TBXAS1: variants seen among roughly 807,000 people sequenced by gnomAD.
TBXAS1 encodes thromboxane-A synthase.
In TBXAS1, 48 loss-of-function variants were observed where a neutral mutation model predicts 60.7. That is an observed-to-expected ratio of 0.79 (90% confidence interval 0.63 to 1.01). The LOEUF (loss-of-function observed/expected upper bound fraction) is 1.01. TBXAS1 is among the 50% of genes least tolerant of loss of function. The pLI, the probability that TBXAS1 is intolerant of heterozygous loss-of-function variation, is 0.00. For missense variants in TBXAS1, 685 were observed against 686.3 expected, an observed-to-expected ratio of 1.00 and a Z score of 0.02; for synonymous variants, 287 against 269.7, an observed-to-expected ratio of 1.06 and a Z score of -0.63.
intron 9 of TBXAS1, among the ~76,000 whole-genome samples, chr7:139,966,584 T>C (rs1810805372): frequency 6.6e-6 from 1 of 152,232 alleles, no homozygotes; most frequent in Non-Finnish European, 1.5e-5. Flanking sequence ...CAGTCTCAAC[T>C]CAGTGAGGTA....
intron 5 of TBXAS1, among the ~76,000 whole-genome samples, chr7:139,939,757 G>A (rs1330115213): frequency 3.3e-5 from 5 of 152,052 alleles, no homozygotes; most frequent in Non-Finnish European, 4.4e-5. Context: ...AGGGAGGAGC[G>A]GAGGAGAAAC....
In TBXAS1 at chr7:140,013,164, G is replaced by A. The variant is rs909186982; in HGVS notation, c.1227-2559G>A. ...ATGAGTGAATACAGGTAGGTGAGTT[G>A]AAGGGAGTTCTGACAGGTAAGACTG... On this transcript the variant is annotated intron_variant, in intron 10 of 12. Coordinates refer to ENST00000448866, the MANE Select transcript of TBXAS1 (RefSeq NM_001061.7). The surrounding 1 kb of genome is among the most constrained non-coding windows in gnomAD (Gnocchi z 4.2). Among the ~76,000 whole-genome samples the A allele has an allele frequency of 6.6e-6, 1 of 152,036 alleles. No homozygotes were observed. The highest frequency in any genetic ancestry group is 2.4e-5 in the African/African-American group (1 of 41,412).
chr7:139,865,704 G>C (rs1801329818), intron 1 of TBXAS1, among the ~76,000 whole-genome samples: 7 of 137,460 alleles, frequency 5.1e-5, no homozygotes, highest in Non-Finnish European at 1.1e-4. Context: ...AAGAGGAGGA[G>C]GAGGAGGAAG....
At chr7:139,933,008 G>A (rs901348241) in intron 4 of TBXAS1, among the ~76,000 whole-genome samples, 4 of 152,134 alleles carry the variant, frequency 2.6e-5, no homozygotes, top group Admixed American at 1.3e-4. Flanking sequence ...AGTGAGCCAC[G>A]ATCACACCAA....
intron 3 of TBXAS1, among the ~76,000 whole-genome samples, chr7:139,893,563 GAA>G (rs1314128015): frequency 1.3e-5 from 2 of 151,966 alleles, no homozygotes; most frequent in Non-Finnish European, 2.9e-5. Flanking sequence ...TTCTTACTGT[GAA>G]AAAAATTGCT....
intron 4 of TBXAS1, among the ~76,000 whole-genome samples, chr7:139,812,026 G>A (rs1407270818): frequency 2.0e-5 from 3 of 152,236 alleles, no homozygotes; most frequent in Admixed American, 6.5e-5. Context: ...GCTCTGAAAT[G>A]CTGGCCTTGG....
intron 4 of TBXAS1, among the ~76,000 whole-genome samples, chr7:139,794,051 G>A (rs1417529502): frequency 6.6e-6 from 1 of 151,840 alleles, no homozygotes; most frequent in Non-Finnish European, 1.5e-5. Flanking sequence ...TATGGTGCAC[G>A]TGCATGTATA....
intron 9 of TBXAS1, among the ~76,000 whole-genome samples, chr7:139,979,725 C>T (rs1811823765): frequency 1.0e-5 from 1 of 96,378 alleles, no homozygotes; most frequent in South Asian, 3.6e-4. Flanking sequence ...AAGATTCCAT[C>T]TCAATAATAA....
At chr7:139,952,759 T>A (rs1411929191) in intron 5 of TBXAS1, 1 of 1,427,132 alleles carries the variant, frequency 7.0e-7, no homozygotes, top group Non-Finnish European at 9.2e-7. Context: ...TTGCCCCATG[T>A]GGGCATAGGA....
chr7:139,829,264 A>C lies in TBXAS1; in HGVS notation c.-127A>C. 1.2e-6 allele frequency: 1 copy of C among 811,936 alleles called. No homozygotes were observed. The highest frequency in any genetic ancestry group is 2.1e-6 in the Non-Finnish European group (1 of 479,968). The allele number at this position is 811,936 out of a possible 1,614,324, so 50.3% of individuals were successfully genotyped here. On this transcript the variant is annotated 5_prime_UTR_variant, in exon 1 of 13. Transcript: ENST00000448866. ...GAGAAAGAGCACATTGTGGGGGCCCACTCCATGTGATGTTTGCTTGGTTGC... is the reference window on the plus strand; with the variant it reads ...GAGAAAGAGCACATTGTGGGGGCCCCCTCCATGTGATGTTTGCTTGGTTGC...
At position 139,928,944 on chromosome 7, in the gene TBXAS1, T is replaced by G. The variant is rs144847359; in HGVS notation, c.334-7247T>G. On this transcript the variant is annotated intron_variant, in intron 4 of 12. Coordinates refer to ENST00000448866, the MANE Select transcript of TBXAS1 (RefSeq NM_001061.7). ...CTTAGGAGATGTTCTCTAAACTGTG[T>G]TCATGAAAGTGAATAAGAGTTAGCA... 2.1e-3 allele frequency among the ~76,000 whole-genome samples: 324 copies of G among 152,272 alleles called. 3 individuals carry two copies. The highest frequency in any genetic ancestry group is 7.2e-3 in the African/African-American group (300 of 41,554).
chr7:139,908,867 C>CA (rs1372800785), intron 3 of TBXAS1, among the ~76,000 whole-genome samples: 1 of 152,162 alleles, frequency 6.6e-6, no homozygotes, highest in Non-Finnish European at 1.5e-5. Context: ...ATGTGAGTGA[C>CA]AAAATCTCTT....
rs187151096 is a variant in TBXAS1 at position 139,910,475 on chromosome 7, A to G, written c.237-750A>G. Among the ~76,000 whole-genome samples the G allele has an allele frequency of 1.5e-3, 231 of 152,196 alleles. 4 individuals carry two copies. Among genetic ancestry groups the G allele is most frequent in the Middle Eastern group, 0.014 (4 of 294 alleles). ...AACAAGGTGAAACGCTGTCTCTACT[A>G]AAAATACAAAACTTAGCTGGGCATG... On this transcript the variant is annotated intron_variant, in intron 3 of 12. Transcript: ENST00000448866.
chr7:139,932,012 G>T (rs114077873), intron 4 of TBXAS1, among the ~76,000 whole-genome samples: 3,775 of 151,862 alleles, frequency 0.025, 137 homozygotes, highest in African/African-American at 0.084. Context: ...CCACCAAACT[G>T]TACTCTTAAA....
At chr7:140,019,928 G>A in intron 12 of TBXAS1, 97 bp from the exon 13 acceptor site, 1 of 1,179,710 alleles carries the variant, frequency 8.5e-7, no homozygotes, top group Non-Finnish European at 1.3e-6. Context: ...GTGTGACCTT[G>A]GACAACGGAC....
intron 1 of TBXAS1, among the ~76,000 whole-genome samples, chr7:139,856,599 T>A (rs1800599500): frequency 6.6e-6 from 1 of 152,202 alleles, no homozygotes; most frequent in Non-Finnish European, 1.5e-5. Context: ...CAATAAGCTA[T>A]GGGAGGAGTC....
At chr7:139,848,898 C>T (rs1800008205) in intron 1 of TBXAS1, among the ~76,000 whole-genome samples, 1 of 152,058 alleles carries the variant, frequency 6.6e-6, no homozygotes. Context: ...ATTCACTCTA[C>T]CTCATGCTCC....
At chr7:139,826,318 A>T (rs1229904883), upstream of TBXAS1, among the ~76,000 whole-genome samples, 3 of 152,204 alleles carry the variant, frequency 2.0e-5, no homozygotes, top group Non-Finnish European at 2.9e-5. Context: ...TGGGGAGTCT[A>T]AAAGGGCTTG....
intron 1 of TBXAS1, among the ~76,000 whole-genome samples, chr7:139,869,653 T>G (rs567520326): frequency 1.4e-4 from 22 of 152,280 alleles, no homozygotes; most frequent in Non-Finnish European, 2.4e-4. Context: ...CCTCCCAAAG[T>G]GCTGGGATTA....
Sources: allele counts gnomAD v4.1 joint callset (sites outside exome capture counted in the v4.1 genomes callset), GRCh38; gene constraint gnomAD v4.1.1; non-coding constraint Gnocchi (gnomAD v3.1); transcripts MANE v1.5; gene names NCBI Gene and HGNC (gene_info 2026-07-23, HGNC 2026-07-21).